The following PGM3 variants were observed in gnomAD, a reference collection of about 807,000 sequenced individuals.
PGM3 encodes phosphoacetylglucosamine mutase.
In PGM3, 40 loss-of-function variants were observed where a neutral mutation model predicts 66.2. The ratio of observed to expected loss-of-function variants is 0.60; its 90% CI spans 0.47 to 0.79. The LOEUF is 0.79. Ranked by LOEUF, PGM3 falls within the 30% of genes least tolerant of loss-of-function variation. PGM3 has a pLI of 0.00. For missense variants in PGM3, 537 were observed against 643.4 expected (o/e 0.83, Z 1.79); for synonymous variants, 191 against 224.2 (o/e 0.85, Z 1.32).
At chr6:83,151,752 C>A in the PGM3 span, 1 of 1,434,624 alleles carries the variant, frequency 7.0e-7, no homozygotes, top group Non-Finnish European at 9.5e-7. Flanking sequence ...AAGTTTCTTT[C>A]AACTCTGAAC....
At position 83,176,080 on chromosome 6, in the gene PGM3, A is replaced by G. The variant is rs1384358496; in HGVS notation, c.1030-20T>C. The G allele has an allele frequency of 4.7e-6, 6 of 1,287,872 alleles. No individual in the cohort carries two copies. The highest frequency in any genetic ancestry group is 1.7e-5 in the Admixed American group (1 of 59,436). 79.8% of individuals were successfully genotyped at this position (1,287,872 alleles called of 1,614,324 possible). ...AGGTACCTATAACACATGCATTTAA[A>G]GAAATACAGCAATTACTCAGATGTC... On this transcript the variant is annotated intron_variant, in intron 8 of 12. Transcript: ENST00000513973.
downstream of PGM3, among the ~76,000 whole-genome samples, chr6:83,157,707 C>G (rs1196367077): frequency 6.6e-6 from 1 of 152,196 alleles, no homozygotes; most frequent in Non-Finnish European, 1.5e-5. Context: ...ACTGCTCTGA[C>G]ATATTACATA....
At position 83,167,643 on chromosome 6, in the gene PGM3, G is replaced by C; in HGVS notation, c.*1591C>G. On this transcript the variant is annotated 3_prime_UTR_variant, in exon 13 of 13. Transcript: ENST00000513973. ...TAAGCTTATCTGCGCATTCTAGTTG[G>C]GAACTATTACTACAATGTTAGACTG... The C allele has an allele frequency of 7.9e-7, 1 of 1,261,320 alleles. No individual in the cohort carries two copies. Among genetic ancestry groups the C allele is most frequent in the Middle Eastern group, 3.1e-4 (1 of 3,240 alleles). The allele number at this position is 1,261,320 out of a possible 1,614,324, so 78.1% of individuals were successfully genotyped here. A position where few individuals can be genotyped will look rare whatever the true frequency, so the allele number is the denominator to read the frequency against.
intron 1 of PGM3, chr6:83,191,369 A>G: frequency 2.8e-6 from 2 of 721,884 alleles, no homozygotes; most frequent in Admixed American, 5.1e-5. Flanking sequence ...AATGAGCTCA[A>G]AGATCATTTC....
intron 1 of PGM3, among the ~76,000 whole-genome samples, chr6:83,191,958 C>CAAAAA (rs1219337174): frequency 5.1e-5 from 2 of 39,362 alleles, no homozygotes; most frequent in African/African-American, 2.0e-4. Context: ...GACTCGGTCT[C>CAAAAA]AAAAAAAAAA....
chr6:83,183,089 C>A, intron 4 of PGM3, 111 bp from the exon 5 acceptor site: 1 of 942,488 alleles, frequency 1.1e-6, no homozygotes. Flanking sequence ...TGTGTCATCT[C>A]AGACATCTTA....
At chr6:83,164,096 G>A (rs959553689), downstream of PGM3, among the ~76,000 whole-genome samples, 1 of 147,146 alleles carries the variant, frequency 6.8e-6, no homozygotes, top group Non-Finnish European at 1.5e-5. Context: ...TGTCTGGTGA[G>A]ATCTAGTATG....
At chr6:83,183,552 T>C (rs1347998472) in intron 4 of PGM3, among the ~76,000 whole-genome samples, 1 of 152,112 alleles carries the variant, frequency 6.6e-6, no homozygotes, top group Non-Finnish European at 1.5e-5. Flanking sequence ...ATATCTTCAG[T>C]CCGAGGATGA....
downstream of PGM3, among the ~76,000 whole-genome samples, chr6:83,156,626 A>G (rs1466505798): frequency 6.6e-6 from 1 of 152,178 alleles, no homozygotes; most frequent in East Asian, 1.9e-4. Context: ...TAGCTCCACA[A>G]TGGGGATTTA....
chr6:83,163,864 T>A (rs1281223960), downstream of PGM3, among the ~76,000 whole-genome samples: 1 of 151,998 alleles, frequency 6.6e-6, no homozygotes, highest in African/African-American at 2.4e-5. Context: ...ACATATACCA[T>A]TAAAAAGTGT....
At chr6:83,186,431 T>C (rs1788585473) in intron 4 of PGM3, among the ~76,000 whole-genome samples, 1 of 151,448 alleles carries the variant, frequency 6.6e-6, no homozygotes. Context: ...AGGTCAAGAG[T>C]GGACGTTTGT....
At chr6:83,183,907 G>C (rs984167637) in intron 4 of PGM3, among the ~76,000 whole-genome samples, 2 of 151,810 alleles carry the variant, frequency 1.3e-5, no homozygotes, top group Non-Finnish European at 2.9e-5. Flanking sequence ...GTAGAGACAG[G>C]GTTTCATCAT....
the PGM3 span, chr6:83,152,188 T>G: frequency 6.9e-4 from 494 of 714,142 alleles, 2 homozygotes; most frequent in African/African-American, 8.9e-3. Flanking sequence ...CATATACATA[T>G]ATATATACAT....
At chr6:83,149,763 C>T in the PGM3 span, among the ~76,000 whole-genome samples, 1 of 151,816 alleles carries the variant, frequency 6.6e-6, no homozygotes, top group Admixed American at 6.6e-5. Flanking sequence ...ATTGAAAGAA[C>T]AGGATAAAGA....
At position 83,182,896 on chromosome 6, in the gene PGM3, T is replaced by A; in HGVS notation, c.540A>T (p.Ile180=). Residue 180 remains isoleucine (I), a synonymous_variant, in exon 5 of 13, where the codon ATA becomes ATT. Transcript: ENST00000513973. ...NTGGRYGKAT[I]EGYYQKLSKA... Reference sequence around the variant, plus strand: ...TAGAGAGTTTCTGGTAGTAACCTTCTATAGTTGCCTTTCCATATCGGCCAC... The same window carrying A: ...TAGAGAGTTTCTGGTAGTAACCTTCAATAGTTGCCTTTCCATATCGGCCAC... 1.9e-6 allele frequency: 3 copies of A among 1,614,100 alleles called. No individual in the cohort carries two copies. Among genetic ancestry groups the A allele is most frequent in the Non-Finnish European group, 2.5e-6 (3 of 1,179,916 alleles).
rs1786490759 is a variant in PGM3 at position 83,169,031 on chromosome 6, A to T, written c.*203T>A. 1 of 1,364,324 alleles carries T rather than the reference A, an allele frequency of 7.3e-7. No homozygotes were observed. Among genetic ancestry groups the T allele is most frequent in the South Asian group, 1.8e-5 (1 of 55,118 alleles). The allele number at this position is 1,364,324 out of a possible 1,614,324, so 84.5% of individuals were successfully genotyped here. A position where few individuals can be genotyped will look rare whatever the true frequency, so the allele number is the denominator to read the frequency against. ...TTTACATTAGTGAGACTGAAATTAGAGGTAAATTTCTTTAACAAGTGTAAG... is the reference window on the plus strand; with the variant it reads ...TTTACATTAGTGAGACTGAAATTAGTGGTAAATTTCTTTAACAAGTGTAAG... On this transcript the variant is annotated 3_prime_UTR_variant, in exon 13 of 13. Transcript: ENST00000513973.
At chr6:83,193,490 C>G (rs949026692), upstream of PGM3, 2 of 152,196 alleles carry the variant, frequency 1.3e-5, no homozygotes, top group Non-Finnish European at 2.9e-5. Context: ...GGGTCGCGGG[C>G]CCTCAGAGCA....
the PGM3 span, chr6:83,154,310 T>G: frequency 7.0e-7 from 1 of 1,424,754 alleles, no homozygotes; most frequent in Non-Finnish European, 9.9e-7. Context: ...TTACTTGTAC[T>G]CTTTTCTGGA....
At chr6:83,158,707 A>G (rs1583174984), downstream of PGM3, 1 of 912,780 alleles carries the variant, frequency 1.1e-6, no homozygotes, top group East Asian at 2.7e-5. Context: ...AGGAGAATAT[A>G]GTCTTTTTCT....
Sources: allele counts gnomAD v4.1 joint callset (sites outside exome capture counted in the v4.1 genomes callset), GRCh38; gene constraint gnomAD v4.1.1; transcripts MANE v1.5; gene names NCBI Gene and HGNC (gene_info 2026-07-23, HGNC 2026-07-21).